The following MRE11 variants were observed in gnomAD, a reference collection of about 807,000 sequenced individuals.
MRE11 encodes MRE11 double strand break repair nuclease, also known as double-strand break repair protein MRE11.
A neutral mutation model predicts 91.7 loss-of-function variants in MRE11; 62 were observed. The ratio of observed to expected loss-of-function variants is 0.68; its 90% CI spans 0.55 to 0.84. MRE11 has a LOEUF of 0.84. MRE11 is among the 40% of genes least tolerant of loss of function. MRE11 has a pLI of 0.00. For missense variants in MRE11, 796 were observed against 852.9 expected (o/e 0.93, Z 0.83); for synonymous variants, 273 against 271.4 (o/e 1.01, Z -0.06).
At chr11:94,461,319 A>G (rs1020658896) in intron 11 of MRE11, among the ~76,000 whole-genome samples, 14 of 152,214 alleles carry the variant, frequency 9.2e-5, no homozygotes, top group African/African-American at 3.4e-4. Flanking sequence ...TTCAGGGAGT[A>G]ATAACGTCAA....
chr11:94,447,802 C>A (rs1273104252), intron 14 of MRE11, among the ~76,000 whole-genome samples: 1 of 151,880 alleles, frequency 6.6e-6, no homozygotes, highest in East Asian at 1.9e-4. Context: ...CACCACTGCA[C>A]TCCAGCCTGG....
intron 12 of MRE11, 85 bp from the exon 13 acceptor site, chr11:94,459,666 T>C (rs1946363620): frequency 7.1e-7 from 1 of 1,411,278 alleles, no homozygotes; most frequent in Non-Finnish European, 9.8e-7. Flanking sequence ...TTACCAAATA[T>C]GTTACCAGAG....
chr11:94,470,557 C>A lies in MRE11; in HGVS notation c.931G>T (p.Asp311Tyr), dbSNP rs150138701. The change falls in exon 9 of 20, where the codon GAT (aspartate) becomes TAT (tyrosine). Residue 311 changes from aspartate (D) to tyrosine (Y), a missense_variant. By Grantham distance (160) the Asp-to-Tyr change is radical (BLOSUM62 -3). Coordinates refer to ENST00000323929, the MANE Select transcript of MRE11 (RefSeq NM_005591.4). ...TCTGGATGATTAGCTAGAACAATAT[C>A]CTCCATGAAAAACTGCCGCACTGTG... ...LHTVRQFFMEDIVLANHPDIF... is the reference protein window; with the variant it reads ...LHTVRQFFMEYIVLANHPDIF... 3.1e-6 allele frequency: 5 copies of A among 1,613,072 alleles called. No homozygotes were observed. Among genetic ancestry groups the A allele is most frequent in the Non-Finnish European group, 4.2e-6 (5 of 1,179,398 alleles).
chr11:94,476,521 T>A, intron 6 of MRE11, 118 bp from the exon 7 acceptor site: 1 of 697,660 alleles, frequency 1.4e-6, no homozygotes, highest in Non-Finnish European at 2.5e-6. Flanking sequence ...TTGGGAGATA[T>A]ATTTGAATTC....
At chr11:94,466,420 G>T in intron 10 of MRE11, 2 of 504,398 alleles carry the variant, frequency 4.0e-6, no homozygotes, top group African/African-American at 2.0e-5. Context: ...GCGACAGTGG[G>T]ATAAAGAAAC....
intron 10 of MRE11, among the ~76,000 whole-genome samples, chr11:94,466,975 C>T (rs773394961): frequency 8.5e-5 from 13 of 152,056 alleles, no homozygotes; most frequent in African/African-American, 1.2e-4. Context: ...AACTATGAGA[C>T]GGGACGGATA....
In MRE11 at chr11:94,493,786, C is replaced by G. The variant is rs1805363; in HGVS notation, c.-106+5G>C. 6.6e-6 allele frequency: 1 copy of G among 152,246 alleles called. No homozygotes were observed. The highest frequency in any genetic ancestry group is 1.5e-5 in the Non-Finnish European group (1 of 68,080). The allele number at this position is 152,246 out of a possible 1,614,324, so 9.4% of individuals were successfully genotyped here. A position where few individuals can be genotyped will look rare whatever the true frequency, so the allele number is the denominator to read the frequency against. ...TGAAAAGAAAACAACACGGTCTGAA[C>G]TTGCCTCTGAGAACCCGCAGGGCCG... On this transcript the variant is annotated splice_donor_5th_base_variant and intron_variant, in intron 1 of 19. Transcript: ENST00000323929.
chr11:94,462,062 A>G lies in MRE11; in HGVS notation c.1226-1026T>C, dbSNP rs545062976. Reference sequence around the variant, plus strand: ...TGCACTCCAGCCTGGGTAACAGATCATGACTCTGTCTCAAAAAAATGAAAA... The same window carrying G: ...TGCACTCCAGCCTGGGTAACAGATCGTGACTCTGTCTCAAAAAAATGAAAA... On this transcript the variant is annotated intron_variant, in intron 11 of 19. Transcript: ENST00000323929. Among the ~76,000 whole-genome samples, 10 of 152,262 alleles carry G rather than the reference A, an allele frequency of 6.6e-5. No individual in the cohort carries two copies. The East Asian group carries it at 7.7e-4, about 12-fold the overall frequency.
chr11:94,446,203 T>C lies in MRE11; in HGVS notation c.1784-310A>G, dbSNP rs546363112. Among the ~76,000 whole-genome samples the C allele has an allele frequency of 4.0e-5, 6 of 151,030 alleles. No homozygotes were observed. In the East Asian group the frequency reaches 1.2e-3, roughly 29 times the overall value. ...CGGGAGGATCACTTGAGGTCAAGAG[T>C]TCAAGACTAGCCTGGCCAACATGGT... On this transcript the variant is annotated intron_variant, in intron 15 of 19. Coordinates refer to ENST00000323929, the MANE Select transcript of MRE11 (RefSeq NM_005591.4).
At chr11:94,451,931 C>T (rs1025086726) in intron 14 of MRE11, among the ~76,000 whole-genome samples, 3 of 152,028 alleles carry the variant, frequency 2.0e-5, no homozygotes, top group South Asian at 2.1e-4. Flanking sequence ...CCCGGCCAGG[C>T]GCGGTTGCTC....
Position 94,451,231 on chromosome 11 carries a change from G to C in MRE11, c.1564-3793C>G, listed in dbSNP as rs941690040. Among the ~76,000 whole-genome samples, 5 of 152,106 alleles carry C rather than the reference G, an allele frequency of 3.3e-5. 1 individual carries two copies. Among genetic ancestry groups the C allele is most frequent in the Admixed American group, 3.3e-4 (5 of 15,276 alleles). On this transcript the variant is annotated intron_variant, in intron 14 of 19. Coordinates refer to ENST00000323929, the MANE Select transcript of MRE11 (RefSeq NM_005591.4). ...GGGAGGGAAGACCCAAGACTTATGA[G>C]AGAATGCTCAATTCTAAATAATCTG...
intron 7 of MRE11, among the ~76,000 whole-genome samples, chr11:94,474,317 A>G (rs511184): frequency 0.97 from 148,176 of 152,170 alleles, 72,253 homozygotes; most frequent in East Asian, 1. Context: ...CTCAAAACAG[A>G]TGGGAAGACA....
At chr11:94,469,994 G>T (rs1271531304) in intron 9 of MRE11, among the ~76,000 whole-genome samples, 1 of 152,038 alleles carries the variant, frequency 6.6e-6, no homozygotes, top group Non-Finnish European at 1.5e-5. Context: ...GGAGGTTTGG[G>T]ACTTACATTG....
chr11:94,437,829 G>A (rs372577582), intron 16 of MRE11, among the ~76,000 whole-genome samples: 24 of 151,704 alleles, frequency 1.6e-4, no homozygotes, highest in African/African-American at 4.1e-4. Context: ...CCTTGACATC[G>A]AAACCTACAA....
Position 94,463,947 on chromosome 11 carries a change from G to A in MRE11, c.1225+166C>T, listed in dbSNP as rs1946489406. Reference sequence around the variant, plus strand: ...AGGTATAATAATAATAAAAAAGATTGCTATCTAATTTTTAGAAGACAAGAG... The same window carrying A: ...AGGTATAATAATAATAAAAAAGATTACTATCTAATTTTTAGAAGACAAGAG... On this transcript the variant is annotated intron_variant, in intron 11 of 19. Coordinates refer to ENST00000323929, the MANE Select transcript of MRE11 (RefSeq NM_005591.4). 2.0e-5 allele frequency among the ~76,000 whole-genome samples: 3 copies of A among 152,006 alleles called. No individual in the cohort carries two copies. In the South Asian group the frequency reaches 6.2e-4, roughly 31 times the overall value.
the MRE11 span, among the ~76,000 whole-genome samples, chr11:94,501,907 G>A: frequency 2.0e-5 from 3 of 152,198 alleles, no homozygotes; most frequent in Middle Eastern, 3.4e-3. Flanking sequence ...ATATCAATAT[G>A]AAATACATCG....
At chr11:94,456,421 G>A in intron 13 of MRE11, 83 bp from the exon 14 acceptor site, 1 of 1,064,878 alleles carries the variant, frequency 9.4e-7, no homozygotes, top group Middle Eastern at 2.1e-4. Flanking sequence ...ATTAAGAAAT[G>A]CTTTATGTTA....
intron 10 of MRE11, among the ~76,000 whole-genome samples, chr11:94,467,346 G>A (rs1415179171): frequency 6.6e-6 from 1 of 151,876 alleles, no homozygotes; most frequent in Non-Finnish European, 1.5e-5. Flanking sequence ...GATGTGTTAC[G>A]GGGAAAAAAA....
At chr11:94,422,744 G>A (rs941322821) in intron 19 of MRE11, among the ~76,000 whole-genome samples, 7 of 151,220 alleles carry the variant, frequency 4.6e-5, no homozygotes, top group African/African-American at 9.7e-5. Flanking sequence ...ATGGAGTTTC[G>A]CTCGTGTTGC....
Sources: allele counts gnomAD v4.1 joint callset (sites outside exome capture counted in the v4.1 genomes callset), GRCh38; gene constraint gnomAD v4.1.1; transcripts MANE v1.5; gene names NCBI Gene and HGNC (gene_info 2026-07-23, HGNC 2026-07-21).